The following SPON2 variants were observed in gnomAD, a reference collection of about 807,000 sequenced individuals.
SPON2 encodes spondin 2.
Under a neutral mutation model 29.9 loss-of-function variants are expected in SPON2, and 32 were observed. The observed-to-expected ratio is 1.07, with a 90% confidence interval of 0.81 to 1.44. The LOEUF is 1.44. Among genes scored for constraint, SPON2 ranks in the 40% most tolerant of loss-of-function variants. SPON2 has a pLI of 0.00. For missense variants in SPON2, 541 were observed against 455.5 expected, an observed-to-expected ratio of 1.19 and a Z score of -1.71; for synonymous variants, 248 against 209.1, an observed-to-expected ratio of 1.19 and a Z score of -1.61.
upstream of SPON2, among the ~76,000 whole-genome samples, chr4:1,198,297 G>T (rs542609068): frequency 6.6e-6 from 1 of 152,170 alleles, no homozygotes; most frequent in Non-Finnish European, 1.5e-5. Context: ...CGAGGTGCTG[G>T]AGAGGGCGAG....
upstream of SPON2, among the ~76,000 whole-genome samples, chr4:1,197,428 C>T (rs926223943): frequency 4.6e-5 from 7 of 152,148 alleles, no homozygotes; most frequent in Admixed American, 4.6e-4. Context: ...TTGGGTAAAA[C>T]AGGATATTAA....
chr4:1,203,666 AAGAAC>A (rs1728269878), intron 1 of SPON2, among the ~76,000 whole-genome samples: 2 of 152,148 alleles, frequency 1.3e-5, no homozygotes, highest in Non-Finnish European at 2.9e-5. Flanking sequence ...TCACACTTTG[AAGAAC>A]AGAACAGCCG....
upstream of SPON2, among the ~76,000 whole-genome samples, chr4:1,176,852 C>CTTCATTCATTCATTCACACACTTCA (rs1293405387): frequency 2.0e-5 from 3 of 151,720 alleles, no homozygotes; most frequent in East Asian, 2.0e-4. Context: ...CATTCACACA[C>CTTCATTCATTCATTCACACACTTCA]TTCATTCATT....
At chr4:1,172,284 GCGACCAGGGGTAAC>G (rs1258221424) in intron 1 of SPON2, 4 of 596,802 alleles carry the variant, frequency 6.7e-6, no homozygotes, top group Non-Finnish European at 8.9e-6. Flanking sequence ...GCGCCTGCGA[GCGACCAGGGGTAAC>G]GGGCAGGTTT....
chr4:1,170,646 C>G, intron 4 of SPON2, 70 bp from the exon 5 acceptor site: 2 of 1,494,240 alleles, frequency 1.3e-6, no homozygotes, highest in Non-Finnish European at 1.8e-6. Flanking sequence ...TATGGCCTCA[C>G]TGGGGCCACT....
intron 1 of SPON2, among the ~76,000 whole-genome samples, chr4:1,184,760 C>T (rs1042708896): frequency 3.3e-5 from 5 of 151,714 alleles, no homozygotes; most frequent in African/African-American, 9.7e-5. Flanking sequence ...TAGTGAAACC[C>T]GTCTCTACTA....
intron 1 of SPON2, chr4:1,201,180 T>C: frequency 2.2e-6 from 1 of 450,684 alleles, no homozygotes; most frequent in Non-Finnish European, 4.5e-6. Context: ...CCCCAGTTCC[T>C]CCAGCCCCTC....
intron 4 of SPON2, 176 bp from the exon 5 acceptor site, chr4:1,170,752 C>A: frequency 2.0e-6 from 2 of 1,013,186 alleles, no homozygotes; most frequent in Non-Finnish European, 3.0e-6. Flanking sequence ...GAAACCGAGG[C>A]CAGGAAGGGG....
intron 5 of SPON2, 53 bp from the exon 6 acceptor site, chr4:1,167,709 C>T (rs1453912610): frequency 3.9e-6 from 6 of 1,525,194 alleles, no homozygotes; most frequent in Non-Finnish European, 5.3e-6. Flanking sequence ...AGAGGCGCTT[C>T]GTACAAACGG....
At chr4:1,194,651 C>T (rs906726840) in intron 1 of SPON2, among the ~76,000 whole-genome samples, 2 of 152,306 alleles carry the variant, frequency 1.3e-5, no homozygotes, top group East Asian at 3.9e-4. Context: ...GCTCCCCAGC[C>T]TGGAAAGTCT....
At chr4:1,191,494 A>G (rs1386971397) in intron 1 of SPON2, among the ~76,000 whole-genome samples, 2 of 152,218 alleles carry the variant, frequency 1.3e-5, no homozygotes, top group African/African-American at 4.8e-5. Context: ...CCTAAAAGTA[A>G]AAGTCGTGAG....
chr4:1,178,440 C>T (rs1287342754), intron 2 of SPON2, among the ~76,000 whole-genome samples: 1 of 152,172 alleles, frequency 6.6e-6, no homozygotes, highest in African/African-American at 2.4e-5. Context: ...GGGATGGGGC[C>T]ACATGGTCCA....
At chr4:1,194,528 G>C (rs1031067111) in intron 1 of SPON2, among the ~76,000 whole-genome samples, 9 of 152,168 alleles carry the variant, frequency 5.9e-5, no homozygotes, top group African/African-American at 2.2e-4. Flanking sequence ...TGTGGGACAG[G>C]GCGGCTTGCA....
rs1299806145 is a variant in SPON2 at position 1,171,188 on chromosome 4, G to C, written c.447C>G (p.Val149=). The change falls in exon 4 of 6, where the codon GTC becomes GTG. Residue 149 remains valine (V), a splice_region_variant and synonymous_variant. Transcript: ENST00000290902. ...ELEVQRRHSL[V]SFVVRIVPSP... ...TGGGCACGATGCGCACCACAAACGA[G>C]ACCTGCGGCGACAGCGGCTCAGCGC... The C allele has an allele frequency of 3.3e-6, 5 of 1,506,212 alleles. No homozygotes were observed. In the East Asian group the frequency reaches 8.1e-5, roughly 24 times the overall value. The allele number at this position is 1,506,212 out of a possible 1,614,324, so 93.3% of individuals were successfully genotyped here. A position where few individuals can be genotyped will look rare whatever the true frequency, so the allele number is the denominator to read the frequency against.
chr4:1,167,349 C>T lies in SPON2; in HGVS notation c.*123G>A. On this transcript the variant is annotated 3_prime_UTR_variant, in exon 6 of 6. Coordinates refer to ENST00000290902, the MANE Select transcript of SPON2 (RefSeq NM_012445.4). Reference sequence around the variant, plus strand: ...TCAGTGCAGAGATGGTCGGCGCGGCCTCACCGCGGTCAGGAGCAGCGCGAA... The same window carrying T: ...TCAGTGCAGAGATGGTCGGCGCGGCTTCACCGCGGTCAGGAGCAGCGCGAA... The T allele has an allele frequency of 9.4e-7, 1 of 1,061,324 alleles. No individual in the cohort carries two copies. The highest frequency in any genetic ancestry group is 1.4e-6 in the Non-Finnish European group (1 of 736,162). 65.7% of individuals were successfully genotyped at this position (1,061,324 alleles called of 1,614,324 possible).
At chr4:1,182,188 G>A (rs900922301) in intron 1 of SPON2, among the ~76,000 whole-genome samples, 1 of 152,006 alleles carries the variant, frequency 6.6e-6, no homozygotes, top group Admixed American at 6.6e-5. Context: ...AGAATCACAA[G>A]GCATACAAAG....
rs886417602 is a variant in SPON2 at position 1,205,119 on chromosome 4, A to G, written c.-234+2761T>C. Reference sequence around the variant, plus strand: ...TGAGGCCTGGCCTGTCCCTGTGGCTAAGGCGGAAGACCCAGCTGTCCCCTC... The same window carrying G: ...TGAGGCCTGGCCTGTCCCTGTGGCTGAGGCGGAAGACCCAGCTGTCCCCTC... On this transcript the variant is annotated intron_variant, in intron 1 of 3. Transcript: ENST00000509233. 5 of 152,676 alleles carry G rather than the reference A, an allele frequency of 3.3e-5. No individual in the cohort carries two copies. The East Asian group carries it at 7.7e-4, about 24-fold the overall frequency. The allele number at this position is 152,676 out of a possible 1,614,324, so 9.5% of individuals were successfully genotyped here.
chr4:1,172,164 T>C lies in SPON2; in HGVS notation c.-3-90A>G, dbSNP rs532623499. 5.1e-6 allele frequency: 6 copies of C among 1,172,424 alleles called. No individual in the cohort carries two copies. The African/African-American group carries it at 7.5e-5, about 15-fold the overall frequency. The allele number at this position is 1,172,424 out of a possible 1,614,324, so 72.6% of individuals were successfully genotyped here. A position where few individuals can be genotyped will look rare whatever the true frequency, so the allele number is the denominator to read the frequency against. On this transcript the variant is annotated intron_variant, in intron 1 of 5. Transcript: ENST00000290902. ...GAGAGGGCTGCGGCACTTTGGGCTC[T>C]GAGGACGGCCCCGAGCACCCGCGAC... is the stretch of plus-strand genomic sequence containing the variant.
At chr4:1,172,774 C>T (rs1727499697), upstream of SPON2, 2 of 152,732 alleles carry the variant, frequency 1.3e-5, no homozygotes, top group Admixed American at 1.3e-4. Flanking sequence ...CTCGCCCTGC[C>T]CAGCGACCTT....
Sources: gnomAD v4.1 joint callset for allele counts (sites outside exome capture counted in the v4.1 genomes callset) on GRCh38, gnomAD v4.1.1 for gene constraint, MANE v1.5 for transcripts, NCBI Gene and HGNC (gene_info 2026-07-23, HGNC 2026-07-21) for gene names.